Variants in PAQR5 observed in about 807,000 individuals in gnomAD.
The protein encoded by PAQR5 is progestin and adipoQ receptor family member 5.
In PAQR5, 20 loss-of-function variants were observed where a neutral mutation model predicts 34.5. The ratio of observed to expected loss-of-function variants is 0.58; its 90% CI spans 0.41 to 0.84. The LOEUF is 0.84. Ranked by LOEUF, PAQR5 falls within the 40% of genes least tolerant of loss-of-function variation. The probability of loss-of-function intolerance (pLI) is 0.00; values close to 1 mark genes in which losing one functional copy is unlikely to be tolerated. For missense variants in PAQR5, 378 were observed against 412.7 expected, an observed-to-expected ratio of 0.92 and a Z score of 0.73; for synonymous variants, 131 against 155.6, an observed-to-expected ratio of 0.84 and a Z score of 1.18.
intron 2 of PAQR5, among the ~76,000 whole-genome samples, chr15:69,353,069 G>A (rs2054966761): frequency 6.6e-6 from 1 of 152,194 alleles, no homozygotes; most frequent in African/African-American, 2.4e-5. Context: ...AGTGGCCATG[G>A]TGGCAGGGAT....
chr15:69,400,167 G>A, intron 8 of PAQR5, 52 bp downstream of exon 8: 1 of 1,569,402 alleles, frequency 6.4e-7, no homozygotes. Flanking sequence ...TGACTGGGGA[G>A]GGTCCTGTCC....
intron 2 of PAQR5, among the ~76,000 whole-genome samples, chr15:69,355,072 C>T (rs1324130048): frequency 1.3e-5 from 2 of 152,070 alleles, no homozygotes; most frequent in Non-Finnish European, 1.5e-5. Flanking sequence ...TGTGGGCATC[C>T]CAGTGTCTCC....
intron 3 of PAQR5, among the ~76,000 whole-genome samples, chr15:69,365,848 C>T (rs903087320): frequency 1.3e-5 from 2 of 152,180 alleles, no homozygotes; most frequent in Non-Finnish European, 2.9e-5. Context: ...CACCATTTCC[C>T]TTTTAGTCTA....
intron 1 of PAQR5, among the ~76,000 whole-genome samples, chr15:69,329,974 G>T (rs2054343879): frequency 6.6e-6 from 1 of 152,084 alleles, no homozygotes; most frequent in Non-Finnish European, 1.5e-5. Flanking sequence ...CTCCCCCATA[G>T]CCCTGGCCAG....
intron 5 of PAQR5, among the ~76,000 whole-genome samples, chr15:69,388,422 C>G (rs968636581): frequency 7.2e-5 from 11 of 152,222 alleles, no homozygotes; most frequent in Non-Finnish European, 1.5e-4. Flanking sequence ...CCACCCATCC[C>G]GAAAGCCTGC....
At position 69,358,633 on chromosome 15, in the gene PAQR5, A is replaced by ATTTTTTTTTTTTTTTTTT. The variant is rs71149910; in HGVS notation, c.-115-1317_-115-1316insTTTTTTTTTTTTTTTTTT. Among the ~76,000 whole-genome samples the ATTTTTTTTTTTTTTTTTT allele has an allele frequency of 8.3e-5, 7 of 84,466 alleles. 1 individual carries two copies. The highest frequency in any genetic ancestry group is 1.9e-4 in the African/African-American group (4 of 20,882). The allele number at this position is 84,466 out of a possible 152,430, so 55.4% of individuals were successfully genotyped here. ...GCCCTTTTCTTTTCAGCTCTGTGGC[A>ATTTTTTTTTTTTTTTTTT]TTTTTTTTTTTTTTTTGAGACAGAT... On this transcript the variant is annotated intron_variant, in intron 2 of 8. Coordinates refer to ENST00000395407, the MANE Select transcript of PAQR5 (RefSeq NM_017705.4).
chr15:69,341,843 C>T (rs536586377), intron 2 of PAQR5, among the ~76,000 whole-genome samples: 2 of 149,666 alleles, frequency 1.3e-5, no homozygotes, highest in East Asian at 4.0e-4. Context: ...ACTTAGGAGG[C>T]TGAGGTGGGA....
rs567800704 is a variant in PAQR5, at chr15:69,312,915, C to T, written c.-277+13859C>T. 4.4e-4 allele frequency among the ~76,000 whole-genome samples: 67 copies of T among 152,214 alleles called. 1 individual carries two copies. The highest frequency in any genetic ancestry group is 1.6e-3 in the African/African-American group (65 of 41,534). On this transcript the variant is annotated intron_variant, in intron 1 of 8. Transcript: ENST00000395407. ...GGTCACAGTCCTATGTGCTATAAAT[C>T]AGTAAATCCATGGGAAGTTCACGAA...
At chr15:69,379,283 G>T (rs898562190) in intron 3 of PAQR5, 11 of 273,856 alleles carry the variant, frequency 4.0e-5, no homozygotes, top group East Asian at 3.5e-4. Flanking sequence ...GGTGTTTTTT[G>T]GGGGGGACTT....
At chr15:69,310,978 G>T (rs1326440067) in intron 1 of PAQR5, among the ~76,000 whole-genome samples, 1 of 135,718 alleles carries the variant, frequency 7.4e-6, no homozygotes, top group Non-Finnish European at 1.5e-5. Context: ...GGCGGAGCTT[G>T]CAGTGAGCCG....
intron 6 of PAQR5, among the ~76,000 whole-genome samples, chr15:69,394,796 C>A (rs1386103379): frequency 6.6e-6 from 1 of 152,242 alleles, no homozygotes; most frequent in Non-Finnish European, 1.5e-5. Context: ...ATCGCGTGGC[C>A]TAATGCGGAA....
chr15:69,396,609 G>T (rs2056440913), intron 6 of PAQR5, among the ~76,000 whole-genome samples: 1 of 152,166 alleles, frequency 6.6e-6, no homozygotes, highest in Non-Finnish European at 1.5e-5. Flanking sequence ...TGGTGGCCCA[G>T]CCAGGGCCCA....
At chr15:69,377,787 CT>C (rs760991598) in intron 3 of PAQR5, among the ~76,000 whole-genome samples, 22 of 152,128 alleles carry the variant, frequency 1.4e-4, no homozygotes, top group Non-Finnish European at 3.1e-4. Context: ...CTGGCAGCCC[CT>C]CACCTTCTGC....
At chr15:69,300,642 T>C (rs1211184697) in intron 1 of PAQR5, among the ~76,000 whole-genome samples, 3 of 33,966 alleles carry the variant, frequency 8.8e-5, no homozygotes, top group Admixed American at 3.5e-4. Context: ...TCTTTCTTTC[T>C]TTCTTTCTTT....
At chr15:69,323,873 A>G (rs2054185544) in intron 1 of PAQR5, among the ~76,000 whole-genome samples, 1 of 152,176 alleles carries the variant, frequency 6.6e-6, no homozygotes, top group South Asian at 2.1e-4. Flanking sequence ...AGGCTGTTCT[A>G]TAACCTGCTT....
chr15:69,372,830 T>C (rs2055599697), intron 3 of PAQR5, among the ~76,000 whole-genome samples: 1 of 152,208 alleles, frequency 6.6e-6, no homozygotes, highest in Non-Finnish European at 1.5e-5. Context: ...TTCTGGATTT[T>C]CGGTGAAATT....
intron 2 of PAQR5, among the ~76,000 whole-genome samples, chr15:69,358,338 A>G (rs2055133937): frequency 6.6e-6 from 1 of 152,064 alleles, no homozygotes; most frequent in Non-Finnish European, 1.5e-5. Flanking sequence ...TTTGCTTGGC[A>G]TGGTTCTTTT....
chr15:69,354,708 A>C (rs1484768614), intron 2 of PAQR5, among the ~76,000 whole-genome samples: 3 of 152,132 alleles, frequency 2.0e-5, no homozygotes, highest in Non-Finnish European at 4.4e-5. Flanking sequence ...TACCTAGAGA[A>C]CTGCTAAGCG....
At chr15:69,362,715 T>C (rs544180702) in intron 3 of PAQR5, among the ~76,000 whole-genome samples, 1 of 152,310 alleles carries the variant, frequency 6.6e-6, no homozygotes, top group East Asian at 1.9e-4. Flanking sequence ...GAACAATTAA[T>C]AATGTTGGTT....
Sources: allele counts gnomAD v4.1 joint callset (sites outside exome capture counted in the v4.1 genomes callset), GRCh38; gene constraint gnomAD v4.1.1; transcripts MANE v1.5; gene names NCBI Gene and HGNC (gene_info 2026-07-23, HGNC 2026-07-21).